The following PCDHA3 variants were observed in gnomAD, a reference collection of about 807,000 sequenced individuals.
The protein encoded by PCDHA3 is protocadherin alpha 3.
A neutral mutation model predicts 62.2 loss-of-function variants in PCDHA3; 41 were observed. That is an observed-to-expected ratio of 0.66 (90% CI 0.51 to 0.86). The LOEUF is 0.86. PCDHA3 is among the 40% of genes least tolerant of loss of function. The probability of loss-of-function intolerance (pLI) is 0.00; values close to 1 mark genes in which losing one functional copy is unlikely to be tolerated. For synonymous variants in PCDHA3, 640 were observed against 555.4 expected (o/e 1.15, Z -2.14); for missense variants, 1,304 against 1,241.2 (o/e 1.05, Z -0.76).
intron 1 of PCDHA3, chr5:140,863,338 C>G: frequency 2.2e-6 from 3 of 1,361,684 alleles, no homozygotes; most frequent in Non-Finnish European, 3.0e-6. Flanking sequence ...GCTCACGTTG[C>G]TGCTGTACAC....
chr5:140,877,005 C>G, intron 1 of PCDHA3: 1 of 1,612,474 alleles, frequency 6.2e-7, no homozygotes, highest in Non-Finnish European at 8.5e-7. Context: ...TGTCGGTGCA[C>G]GCGGAGAGCG....
At chr5:140,823,393 G>T in intron 1 of PCDHA3, 1 of 1,612,960 alleles carries the variant, frequency 6.2e-7, no homozygotes, top group Non-Finnish European at 8.5e-7. Flanking sequence ...GCGCGACGCG[G>T]GCGTGCCGCC....
chr5:140,930,997 A>G (rs1355351475), intron 1 of PCDHA3, among the ~76,000 whole-genome samples: 3 of 152,198 alleles, frequency 2.0e-5, no homozygotes, highest in Admixed American at 1.3e-4. Context: ...GACCTACACT[A>G]ATAACATAAC....
intron 1 of PCDHA3, chr5:140,808,615 T>G (rs782669350): frequency 3.2e-5 from 52 of 1,613,780 alleles, no homozygotes; most frequent in East Asian, 6.7e-5. Context: ...ACATCTTCAC[T>G]GTGTCTGCGT....
intron 1 of PCDHA3, among the ~76,000 whole-genome samples, chr5:140,950,372 C>G (rs1369892292): frequency 1.3e-5 from 2 of 151,918 alleles, no homozygotes; most frequent in African/African-American, 4.8e-5. Context: ...ATCTATTTAT[C>G]TTCCATTTGA....
At chr5:140,878,389 T>A (rs528504145) in intron 1 of PCDHA3, among the ~76,000 whole-genome samples, 1 of 152,360 alleles carries the variant, frequency 6.6e-6, no homozygotes, top group East Asian at 1.9e-4. Flanking sequence ...ATTTTCTTCA[T>A]TGCTCACAAA....
intron 1 of PCDHA3, chr5:140,856,104 T>C: frequency 6.3e-7 from 1 of 1,597,888 alleles, no homozygotes; most frequent in Non-Finnish European, 8.6e-7. Context: ...TCGCTTCTTC[T>C]CCTCGCAGCC....
chr5:140,809,233 G>T (rs782654173), intron 1 of PCDHA3: 4 of 1,614,102 alleles, frequency 2.5e-6, no homozygotes, highest in East Asian at 4.5e-5. Flanking sequence ...CCTCACGGGC[G>T]TTGGTGGGCG....
chr5:140,836,704 C>T (rs189142588), intron 1 of PCDHA3: 1 of 1,613,294 alleles, frequency 6.2e-7, no homozygotes, highest in Admixed American at 1.7e-5. Flanking sequence ...GCCTTCAGTC[C>T]CAGCCTTCCT....
chr5:140,883,822 C>T, intron 1 of PCDHA3: 2 of 1,612,484 alleles, frequency 1.2e-6, no homozygotes, highest in Non-Finnish European at 1.7e-6. Flanking sequence ...GCAAGGTGTA[C>T]GCGCTGCAGC....
chr5:140,857,295 G>A, intron 1 of PCDHA3: 1 of 1,598,726 alleles, frequency 6.3e-7, no homozygotes, highest in Non-Finnish European at 8.6e-7. Flanking sequence ...GACCGCGAGA[G>A]GGTGTCGGCC....
At chr5:140,956,949 A>G (rs1027198370) in intron 1 of PCDHA3, among the ~76,000 whole-genome samples, 5 of 140,514 alleles carry the variant, frequency 3.6e-5, no homozygotes, top group African/African-American at 1.3e-4. Flanking sequence ...TTTACATTAA[A>G]ACACTGTAAT....
intron 1 of PCDHA3, chr5:140,884,714 C>A: frequency 1.4e-6 from 2 of 1,471,312 alleles, no homozygotes; most frequent in Non-Finnish European, 9.0e-7. Context: ...GCCTTCCTTG[C>A]AGTTGTTTGT....
intron 1 of PCDHA3, among the ~76,000 whole-genome samples, chr5:140,878,776 T>C (rs1437840291): frequency 2.0e-5 from 3 of 152,226 alleles, no homozygotes; most frequent in Non-Finnish European, 4.4e-5. Flanking sequence ...TGGAATATAG[T>C]ATATGTTCAA....
chr5:140,802,484 C>A lies in PCDHA3; in HGVS notation c.1287C>A (p.Asp429Glu). Residue 429 changes from aspartate to glutamate, a missense_variant, in exon 1 of 4, where the codon GAC becomes GAA. Transcript: ENST00000522353. ...SAYELVVTAR[D>E]GGSPSLWATA... ...ATGAGCTGGTGGTGACTGCTCGGGA[C>A]GGGGGCTCGCCTTCACTGTGGGCCA... 6.2e-7 allele frequency: 1 copy of A among 1,614,164 alleles called. No homozygotes were observed. The highest frequency in any genetic ancestry group is 1.1e-5 in the South Asian group (1 of 91,080).
At chr5:140,828,345 T>C in intron 1 of PCDHA3, 2 of 1,614,224 alleles carry the variant, frequency 1.2e-6, no homozygotes, top group Non-Finnish European at 1.7e-6. Context: ...GGCATTTTGT[T>C]TGTGAATTCT....
chr5:140,957,159 C>G (rs2095337596), intron 1 of PCDHA3, among the ~76,000 whole-genome samples: 1 of 151,974 alleles, frequency 6.6e-6, no homozygotes, highest in Non-Finnish European at 1.5e-5. Flanking sequence ...GGAGACAAAT[C>G]TAAGTATATA....
intron 1 of PCDHA3, chr5:140,856,153 C>T: frequency 1.3e-6 from 2 of 1,598,310 alleles, no homozygotes; most frequent in Non-Finnish European, 1.7e-6. Flanking sequence ...ACTCAGTCTA[C>T]GAGGAGGCCA....
chr5:140,965,690 T>G (rs1203632136), intron 1 of PCDHA3, among the ~76,000 whole-genome samples: 2 of 152,172 alleles, frequency 1.3e-5, no homozygotes, highest in Admixed American at 1.3e-4. Context: ...TGAAGCAAGA[T>G]TAGAAAAAGC....
Sources: allele counts gnomAD v4.1 joint callset (sites outside exome capture counted in the v4.1 genomes callset), GRCh38; gene constraint gnomAD v4.1.1; transcripts MANE v1.5; gene names NCBI Gene and HGNC (gene_info 2026-07-23, HGNC 2026-07-21).